RPRD1A: variants seen among roughly 807,000 people sequenced by gnomAD.
RPRD1A encodes regulation of nuclear pre-mRNA domain containing 1A.
In RPRD1A, 9 loss-of-function variants were observed where a neutral mutation model predicts 37.8. That is an observed-to-expected ratio of 0.24 (90% CI 0.14 to 0.42). RPRD1A has a LOEUF of 0.42. Ranked by LOEUF, RPRD1A falls within the 10% of genes least tolerant of loss-of-function variation. The probability of loss-of-function intolerance (pLI) is 1.00; values close to 1 mark genes in which losing one functional copy is unlikely to be tolerated. For missense variants in RPRD1A, 255 were observed against 371.0 expected, an observed-to-expected ratio of 0.69 and a Z score of 2.57; for synonymous variants, 138 against 139.7, an observed-to-expected ratio of 0.99 and a Z score of 0.08.
intron 1 of RPRD1A, among the ~76,000 whole-genome samples, chr18:36,038,037 C>T (rs1381259642): frequency 1.3e-5 from 2 of 152,210 alleles, no homozygotes; most frequent in East Asian, 1.9e-4. Context: ...AGAAATGGAA[C>T]ATAAAAGTTC....
intron 6 of RPRD1A, 95 bp from the exon 7 acceptor site, chr18:35,993,395 G>T: frequency 8.5e-7 from 1 of 1,177,578 alleles, no homozygotes. Flanking sequence ...TATATACTCA[G>T]TTAATGCCAT....
chr18:36,015,573 C>A (rs528930586), intron 6 of RPRD1A, among the ~76,000 whole-genome samples: 43 of 152,246 alleles, frequency 2.8e-4, no homozygotes, highest in Non-Finnish European at 5.1e-4. Context: ...GGAAGCAACC[C>A]AAGTATACAG....
At position 36,031,216 on chromosome 18, in the gene RPRD1A, C is replaced by A. The variant is rs562754895; in HGVS notation, c.282-119G>T. On this transcript the variant is annotated intron_variant, in intron 2 of 6. Coordinates refer to ENST00000399022, the MANE Select transcript of RPRD1A (RefSeq NM_018170.5). ...ACATTCATTCCCTGGAAAAAACTGT[C>A]CAAATGTCTACTTAGCATCACTATG... The A allele has an allele frequency of 6.8e-5, 85 of 1,246,446 alleles. No homozygotes were observed. The Middle Eastern group carries it at 1.4e-3, about 21-fold the overall frequency. The allele number at this position is 1,246,446 out of a possible 1,614,324, so 77.2% of individuals were successfully genotyped here.
Position 35,992,341 on chromosome 18 carries a change from T to C in RPRD1A, c.*810A>G, listed in dbSNP as rs1411127376. The C allele has an allele frequency of 6.6e-6, 1 of 152,288 alleles. No individual in the cohort carries two copies. The highest frequency in any genetic ancestry group is 1.5e-5 in the Non-Finnish European group (1 of 68,022). 9.4% of individuals were successfully genotyped at this position (152,288 alleles called of 1,614,324 possible). ...GGCTTTTTGTTAAAGGGATTAATTA[T>C]GTTAAAAGGAAACTGATTTGACAAA... On this transcript the variant is annotated 3_prime_UTR_variant, in exon 7 of 7. Coordinates refer to ENST00000399022, the MANE Select transcript of RPRD1A (RefSeq NM_018170.5).
chr18:36,010,997 A>T (rs912218175), intron 6 of RPRD1A, among the ~76,000 whole-genome samples: 4 of 152,208 alleles, frequency 2.6e-5, no homozygotes, highest in African/African-American at 9.6e-5. Flanking sequence ...CTATAGACAT[A>T]AAAATACTAC....
At chr18:36,043,511 A>T (rs1234000170) in intron 1 of RPRD1A, among the ~76,000 whole-genome samples, 1 of 152,214 alleles carries the variant, frequency 6.6e-6, no homozygotes, top group African/African-American at 2.4e-5. Context: ...TAAACCTTCA[A>T]TTTCAGTATA....
At chr18:36,057,904 T>C (rs546932253) in intron 1 of RPRD1A, among the ~76,000 whole-genome samples, 238 of 152,344 alleles carry the variant, frequency 1.6e-3, no homozygotes, top group South Asian at 7.5e-3. Context: ...AGTTACTAGT[T>C]TGGCAAAGTC....
chr18:36,055,685 C>T (rs1913713079), intron 1 of RPRD1A, among the ~76,000 whole-genome samples: 1 of 151,956 alleles, frequency 6.6e-6, no homozygotes, highest in Non-Finnish European at 1.5e-5. Flanking sequence ...TTATAAATAA[C>T]AAATTGATTC....
chr18:36,031,785 T>G (rs1911811399), intron 2 of RPRD1A, among the ~76,000 whole-genome samples: 1 of 152,198 alleles, frequency 6.6e-6, no homozygotes, highest in Admixed American at 6.5e-5. Flanking sequence ...CAAAGCATCC[T>G]AATAATGTAA....
At chr18:36,028,517 G>T (rs1355407599) in intron 4 of RPRD1A, among the ~76,000 whole-genome samples, 1 of 152,098 alleles carries the variant, frequency 6.6e-6, no homozygotes, top group Non-Finnish European at 1.5e-5. Flanking sequence ...GGAGTTCTAA[G>T]AAGAAATCTG....
chr18:36,042,492 G>A (rs1912650499), intron 1 of RPRD1A, among the ~76,000 whole-genome samples: 1 of 152,112 alleles, frequency 6.6e-6, no homozygotes, highest in Admixed American at 6.5e-5. Flanking sequence ...CAGCAGAGAG[G>A]GGAACACATG....
At chr18:35,999,084 T>G (rs1222669504) in intron 6 of RPRD1A, among the ~76,000 whole-genome samples, 1 of 105,254 alleles carries the variant, frequency 9.5e-6, no homozygotes, top group East Asian at 3.4e-4. Context: ...TATGATATAC[T>G]ACTATACAAG....
intron 6 of RPRD1A, among the ~76,000 whole-genome samples, chr18:36,020,290 A>C (rs995102026): frequency 5.3e-5 from 8 of 152,216 alleles, no homozygotes; most frequent in East Asian, 1.9e-4. Flanking sequence ...GGAAGATAAG[A>C]AGCTCAGCAA....
chr18:36,006,538 C>A (rs1909759407), intron 6 of RPRD1A, among the ~76,000 whole-genome samples: 1 of 152,070 alleles, frequency 6.6e-6, no homozygotes, highest in Non-Finnish European at 1.5e-5. Context: ...TAGTTTTTCA[C>A]CCCCGCAGTG....
intron 1 of RPRD1A, chr18:36,040,789 G>T: frequency 6.9e-7 from 1 of 1,451,002 alleles, no homozygotes; most frequent in Non-Finnish European, 9.2e-7. Flanking sequence ...TAGAAGAAAA[G>T]TGTTTTTATT....
intron 6 of RPRD1A, chr18:36,026,250 C>T (rs1044248515): frequency 1.3e-5 from 2 of 152,372 alleles, no homozygotes; most frequent in Non-Finnish European, 2.9e-5. Flanking sequence ...ACAATTTAAA[C>T]AAGAACTCAT....
intron 1 of RPRD1A, among the ~76,000 whole-genome samples, chr18:36,044,918 CA>C (rs913368599): frequency 6.6e-5 from 10 of 151,898 alleles, no homozygotes; most frequent in African/African-American, 2.4e-4. Flanking sequence ...CAAACATATA[CA>C]AATCCATGAG....
At chr18:35,993,702 G>C (rs72883026) in intron 6 of RPRD1A, among the ~76,000 whole-genome samples, 3,148 of 152,276 alleles carry the variant, frequency 0.021, 110 homozygotes, top group Admixed American at 0.084. Context: ...AAGCAGGACT[G>C]CTCCCTTCCT....
chr18:36,012,528 T>A (rs779018437), intron 6 of RPRD1A, among the ~76,000 whole-genome samples: 1 of 152,212 alleles, frequency 6.6e-6, no homozygotes, highest in African/African-American at 2.4e-5. Context: ...GTTTGTAGCC[T>A]AGAAGCAATA....
Sources: gnomAD v4.1 joint callset for allele counts (sites outside exome capture counted in the v4.1 genomes callset) on GRCh38, gnomAD v4.1.1 for gene constraint, MANE v1.5 for transcripts, NCBI Gene and HGNC (gene_info 2026-07-23, HGNC 2026-07-21) for gene names.